DGCR8: variants seen among roughly 807,000 people sequenced by gnomAD.
DGCR8 encodes DGCR8 microprocessor complex subunit, also known as microprocessor complex subunit DGCR8.
DGCR8 carries 14 observed loss-of-function variants against 78.5 expected under a neutral mutation model. The observed-to-expected ratio is 0.18, with a 90% CI of 0.12 to 0.28. The LOEUF is 0.28. Ranked by LOEUF, DGCR8 falls within the 10% of genes least tolerant of loss-of-function variation. DGCR8 has a pLI of 1.00. For synonymous variants in DGCR8, 399 were observed against 402.4 expected (o/e 0.99, Z 0.10); for missense variants, 702 against 1,022.5 (o/e 0.69, Z 4.28).
intron 8 of DGCR8, 61 bp downstream of exon 8, chr22:20,092,968 G>C (rs2049584230): frequency 7.3e-7 from 1 of 1,374,258 alleles, no homozygotes; most frequent in African/African-American, 1.4e-5. Flanking sequence ...CTCGCTGCTT[G>C]GTTAGGGAGG....
At chr22:20,100,776 ACTC>A in intron 9 of DGCR8, 1 of 984,462 alleles carries the variant, frequency 1.0e-6, no homozygotes, top group South Asian at 4.7e-5. Flanking sequence ...TCCGCTGTAG[ACTC>A]CCCTGCCTGG....
intron 11 of DGCR8, 95 bp downstream of exon 11, chr22:20,106,793 G>A: frequency 2.3e-6 from 2 of 877,660 alleles, no homozygotes; most frequent in Admixed American, 1.8e-5. Flanking sequence ...TGTTGCCCTG[G>A]CATTGTCCCT....
In DGCR8 at chr22:20,109,495, C is replaced by T. The variant is rs571859916; in HGVS notation, c.2238+492C>T. Among the ~76,000 whole-genome samples, 605 of 152,328 alleles carry T rather than the reference C, an allele frequency of 4.0e-3. 4 individuals are homozygous for T. Among genetic ancestry groups the T allele is most frequent in the African/African-American group, 0.014 (565 of 41,576 alleles). On this transcript the variant is annotated intron_variant, in intron 13 of 13. Transcript: ENST00000351989. Reference sequence around the variant, plus strand: ...TGGGTGGGAGCTTTCTTAAGTGTGGCAGTCCCCTGGCCTGGGTGAGAGCCC... The same window carrying T: ...TGGGTGGGAGCTTTCTTAAGTGTGGTAGTCCCCTGGCCTGGGTGAGAGCCC...
intron 1 of DGCR8, among the ~76,000 whole-genome samples, chr22:20,084,163 C>T (rs1245700653): frequency 6.6e-6 from 1 of 152,186 alleles, no homozygotes; most frequent in Non-Finnish European, 1.5e-5. Context: ...TAAACCTAAA[C>T]TAGTCTCTGG....
chr22:20,109,410 G>A (rs773361021), intron 13 of DGCR8, among the ~76,000 whole-genome samples: 1 of 152,166 alleles, frequency 6.6e-6, no homozygotes, highest in Non-Finnish European at 1.5e-5. Context: ...TGGCAGTGGT[G>A]TCTTCTGTCT....
chr22:20,111,580 C>G lies in DGCR8; in HGVS notation c.*1472C>G, dbSNP rs966164800. The G allele has an allele frequency of 4.3e-4, 172 of 397,262 alleles. No homozygotes were observed. The highest frequency in any genetic ancestry group is 3.2e-3 in the African/African-American group (158 of 48,714). 24.6% of individuals were successfully genotyped at this position (397,262 alleles called of 1,614,324 possible). On this transcript the variant is annotated 3_prime_UTR_variant, in exon 14 of 14. Coordinates refer to ENST00000351989, the MANE Select transcript of DGCR8 (RefSeq NM_022720.7). ...ACTGTGACTGTTGCCCTTAGCCAGC[C>G]AGATGCGCCTGTGAACCAAAGCTTC...
chr22:20,080,574 TG>T (rs571852411), intron 1 of DGCR8, 191 bp downstream of exon 1: 3 of 671,538 alleles, frequency 4.5e-6, no homozygotes, highest in East Asian at 1.4e-4. Flanking sequence ...CCTCCGGGGC[TG>T]GGGGGCGGGC....
chr22:20,107,471 C>T (rs2049784342), intron 12 of DGCR8, 73 bp downstream of exon 12: 2 of 1,579,886 alleles, frequency 1.3e-6, no homozygotes, highest in South Asian at 1.1e-5. Flanking sequence ...GCTCTGTGCT[C>T]AGAGGGGGCA....
chr22:20,106,740 C>T (rs4819529), intron 11 of DGCR8, 42 bp downstream of exon 11: 215,443 of 1,458,238 alleles, frequency 0.15, 22,095 homozygotes, highest in East Asian at 0.49. Flanking sequence ...GCTGGGCGGG[C>T]GGCCCCTGGT....
intron 9 of DGCR8, among the ~76,000 whole-genome samples, chr22:20,096,966 A>T (rs567084387): frequency 1.3e-5 from 2 of 152,008 alleles, no homozygotes; most frequent in African/African-American, 4.8e-5. Context: ...AATATAGTGT[A>T]TTATATTGGT....
rs1287355191 is a variant in DGCR8 at position 20,090,050 on chromosome 22, A to G, written c.1098A>G (p.Gln366=). The G allele has an allele frequency of 6.2e-7, 1 of 1,614,194 alleles. No homozygotes were observed. Among genetic ancestry groups the G allele is most frequent in the African/African-American group, 1.3e-5 (1 of 75,046 alleles). The change falls in exon 5 of 14, where the codon CAA becomes CAG. Residue 366 remains glutamine (Q), a synonymous_variant. Transcript: ENST00000351989. ...TGAAGGACAACGAGGAACGGGAGCA[A>G]AGCAGTGACCTCACCCCTAGTGGGG... ...KKMKDNEERE[Q]SSDLTPSGDV...
rs1049855319 is a variant in DGCR8 at position 20,100,944 on chromosome 22, C to G, written c.1789-5233C>G. ...GCCCCTGCCACCCGGCACAGGACCC[C>G]TCCTCGTGCTTGGAAATTTGCTAGG... is the stretch of plus-strand genomic sequence containing the variant. On this transcript the variant is annotated intron_variant, in intron 9 of 13. Transcript: ENST00000351989. 6.6e-6 allele frequency: 4 copies of G among 602,210 alleles called. No individual in the cohort carries two copies. The African/African-American group carries it at 8.0e-5, about 12-fold the overall frequency. The allele number at this position is 602,210 out of a possible 1,614,324, so 37.3% of individuals were successfully genotyped here.
In DGCR8 at chr22:20,086,486, G is replaced by A; in HGVS notation, c.523G>A (p.Gly175Arg). The change falls in exon 2 of 14, where the codon GGG becomes AGG. Residue 175 changes from glycine (G) to arginine (R), a missense_variant. This residue lies in a region of DGCR8 where 356 missense variants were observed against 448.9 expected (regional missense o/e 0.79). Transcript: ENST00000351989. This position sits in a 1 kb window ranked among gnomAD's most constrained non-coding sequence, Gnocchi z 6.4. ...GAGTGTTGGTGACGGGGTAGGCATA[G>A]GGGGTGAGAGTGCTGATAAGAAGGA... ...GGSVGDGVGI[G>R]GESADKKDEE... The A allele has an allele frequency of 6.2e-7, 1 of 1,614,060 alleles. No individual in the cohort carries two copies. The highest frequency in any genetic ancestry group is 8.5e-7 in the Non-Finnish European group (1 of 1,180,032).
chr22:20,108,806 G>A, intron 12 of DGCR8, 84 bp from the exon 13 acceptor site: 1 of 877,694 alleles, frequency 1.1e-6, no homozygotes, highest in Non-Finnish European at 1.9e-6. Context: ...TGCCTTCAGG[G>A]TCCCAGGCAC....
At chr22:20,105,770 T>C (rs938270115) in intron 9 of DGCR8, among the ~76,000 whole-genome samples, 19 of 152,230 alleles carry the variant, frequency 1.2e-4, no homozygotes, top group Non-Finnish European at 2.2e-4. Context: ...TGGGTCTGGC[T>C]GACTTTCCCT....
chr22:20,092,023 G>C (rs1261336749), intron 7 of DGCR8, 53 bp downstream of exon 7: 3 of 1,458,746 alleles, frequency 2.1e-6, no homozygotes, highest in Non-Finnish European at 2.8e-6. Context: ...GTGTAACTTT[G>C]GTCAGGGCTG....
chr22:20,104,081 A>G (rs2049739909), intron 9 of DGCR8, among the ~76,000 whole-genome samples: 1 of 151,390 alleles, frequency 6.6e-6, no homozygotes. Flanking sequence ...TGGAGCCTCC[A>G]CCTGTCCCTG....
chr22:20,103,675 AG>A (rs887993292), intron 9 of DGCR8, among the ~76,000 whole-genome samples: 158 of 152,312 alleles, frequency 1.0e-3, no homozygotes, highest in African/African-American at 3.6e-3. Flanking sequence ...CGAAGTGGGA[AG>A]TAGCCCTCCT....
intron 9 of DGCR8, among the ~76,000 whole-genome samples, chr22:20,099,210 G>T (rs372253502): frequency 2.0e-5 from 3 of 152,162 alleles, no homozygotes; most frequent in African/African-American, 7.2e-5. Context: ...GGGCCTGTGC[G>T]CAGTCATCTC....
Sources: allele counts gnomAD v4.1 joint callset (sites outside exome capture counted in the v4.1 genomes callset), GRCh38; gene constraint gnomAD v4.1.1; regional missense constraint gnomAD v4.1.1; non-coding constraint Gnocchi (gnomAD v3.1); transcripts MANE v1.5; gene names NCBI Gene and HGNC (gene_info 2026-07-23, HGNC 2026-07-21).